MRE11: variants seen among roughly 807,000 people sequenced by gnomAD.
MRE11 encodes the protein double-strand break repair protein MRE11.
MRE11 carries 62 observed loss-of-function variants against 91.7 expected under a neutral mutation model. That is an observed-to-expected ratio of 0.68 (90% CI 0.55 to 0.84). The LOEUF (loss-of-function observed/expected upper bound fraction) is 0.84, where lower values mean the gene tolerates loss of function less well. Among genes scored for constraint, MRE11 ranks in the 40% least tolerant of loss-of-function variants. MRE11 has a pLI of 0.00. For synonymous variants in MRE11, 273 were observed against 271.4 expected (o/e 1.01, Z -0.06); for missense variants, 796 against 852.9 (o/e 0.93, Z 0.83).
chr11:94,494,675 C>T (rs1488754410), upstream of MRE11, among the ~76,000 whole-genome samples: 2 of 152,082 alleles, frequency 1.3e-5, no homozygotes, highest in South Asian at 2.1e-4. Context: ...CGGGTAGATG[C>T]GCCTAGGCTT....
intron 16 of MRE11, among the ~76,000 whole-genome samples, chr11:94,437,740 T>C (rs1221948084): frequency 1.3e-5 from 2 of 152,250 alleles, no homozygotes; most frequent in African/African-American, 2.4e-5. Context: ...AAAATTCCTT[T>C]GTATCCATAC....
At chr11:94,438,265 G>A (rs1030220761) in intron 16 of MRE11, among the ~76,000 whole-genome samples, 1 of 151,948 alleles carries the variant, frequency 6.6e-6, no homozygotes, top group African/African-American at 2.4e-5. Flanking sequence ...AACTAAATAG[G>A]GCACAGAAAA....
intron 7 of MRE11, among the ~76,000 whole-genome samples, chr11:94,474,278 G>A (rs1035243490): frequency 6.6e-6 from 1 of 152,004 alleles, no homozygotes; most frequent in African/African-American, 2.4e-5. Context: ...ACCATCTTGA[G>A]GTGCCAAAAA....
chr11:94,448,787 C>T (rs868635988), intron 14 of MRE11, among the ~76,000 whole-genome samples: 3 of 152,116 alleles, frequency 2.0e-5, no homozygotes, highest in Non-Finnish European at 2.9e-5. Context: ...GAGCGAGACC[C>T]TGTCACCAAA....
chr11:94,463,412 C>G (rs563179988), intron 11 of MRE11, among the ~76,000 whole-genome samples: 8 of 152,218 alleles, frequency 5.3e-5, no homozygotes, highest in Admixed American at 4.6e-4. Flanking sequence ...ACCATTTGAC[C>G]CAGCCATCCC....
rs1945648664 is a variant in MRE11, at chr11:94,437,341, G to A, written c.1868-106C>T. 23 of 920,600 alleles carry A rather than the reference G, an allele frequency of 2.5e-5. No individual in the cohort carries two copies. In the East Asian group the frequency reaches 5.9e-4, roughly 24 times the overall value. 57.0% of individuals were successfully genotyped at this position (920,600 alleles called of 1,614,324 possible). On this transcript the variant is annotated intron_variant, in intron 16 of 19. Transcript: ENST00000323929. Reference sequence around the variant, plus strand: ...TTTTCTGAGTCCTATCTGCAAAACTGAATGATGCCTAATTATAAAACTATT... The same window carrying A: ...TTTTCTGAGTCCTATCTGCAAAACTAAATGATGCCTAATTATAAAACTATT...
At chr11:94,481,673 T>C (rs557148) in intron 4 of MRE11, among the ~76,000 whole-genome samples, 77,451 of 152,066 alleles carry the variant, frequency 0.51, 20,771 homozygotes, top group African/African-American at 0.68. Context: ...CATTGTGAGA[T>C]GGTGACCTTC....
chr11:94,453,265 T>C (rs763933262), intron 14 of MRE11, among the ~76,000 whole-genome samples: 2 of 152,236 alleles, frequency 1.3e-5, no homozygotes, highest in Non-Finnish European at 2.9e-5. Flanking sequence ...TTTTCGGCTA[T>C]TGTGAATCAT....
chr11:94,509,783 T>A, the MRE11 span, among the ~76,000 whole-genome samples: 38 of 152,206 alleles, frequency 2.5e-4, no homozygotes, highest in African/African-American at 8.9e-4. Context: ...AATAACAGTT[T>A]AATTTCTTCC....
chr11:94,471,795 T>C (rs959031755), intron 7 of MRE11, 36 bp from the exon 8 acceptor site: 6 of 1,517,432 alleles, frequency 4.0e-6, no homozygotes, highest in Admixed American at 3.6e-5. Flanking sequence ...AATTCGGTGA[T>C]TAGAAAAATT....
chr11:94,464,784 C>G (rs577808583), intron 10 of MRE11, among the ~76,000 whole-genome samples: 186 of 152,270 alleles, frequency 1.2e-3, no homozygotes, highest in African/African-American at 4.2e-3. Context: ...TCAAGGTAGA[C>G]TCTTTCTACA....
chr11:94,431,313 C>T (rs1395578068), intron 18 of MRE11, among the ~76,000 whole-genome samples: 1 of 152,164 alleles, frequency 6.6e-6, no homozygotes, highest in East Asian at 1.9e-4. Flanking sequence ...TCAAGGTCCA[C>T]TCTGGTAAGT....
At chr11:94,506,515 A>G in the MRE11 span, among the ~76,000 whole-genome samples, 42 of 152,184 alleles carry the variant, frequency 2.8e-4, no homozygotes, top group East Asian at 7.7e-3. Flanking sequence ...AAGTCAATAT[A>G]GTTATTAAAA....
chr11:94,496,819 A>T (rs1402360160), upstream of MRE11: 10 of 1,613,944 alleles, frequency 6.2e-6, no homozygotes, highest in Non-Finnish European at 6.8e-6. Flanking sequence ...CTGGTACTCA[A>T]AGTCTTTGGG....
At chr11:94,474,915 G>C (rs1175377935) in intron 7 of MRE11, among the ~76,000 whole-genome samples, 3 of 152,166 alleles carry the variant, frequency 2.0e-5, no homozygotes, top group African/African-American at 7.2e-5. Context: ...CTCTATGGAA[G>C]AGAAGGAACA....
the MRE11 span, among the ~76,000 whole-genome samples, chr11:94,509,315 T>C: frequency 6.6e-6 from 1 of 152,354 alleles, no homozygotes; most frequent in East Asian, 1.9e-4. Context: ...AATGTTATTG[T>C]CTTTTACATT....
intron 7 of MRE11, among the ~76,000 whole-genome samples, chr11:94,475,015 C>T (rs1031842916): frequency 4.9e-4 from 75 of 152,094 alleles, no homozygotes; most frequent in African/African-American, 1.8e-3. Flanking sequence ...TATTCAAGAA[C>T]TCACACATAA....
chr11:94,437,279 T>C (rs1945646095), intron 16 of MRE11, 44 bp from the exon 17 acceptor site: 1 of 1,588,774 alleles, frequency 6.3e-7, no homozygotes, highest in African/African-American at 1.4e-5. Context: ...ATTCTTAAAA[T>C]AACTTAGAAA....
chr11:94,511,786 C>T, the MRE11 span, among the ~76,000 whole-genome samples: 3 of 152,174 alleles, frequency 2.0e-5, no homozygotes, highest in African/African-American at 7.2e-5. Flanking sequence ...ATTTTTAAGG[C>T]CTGCAAAACC....
Sources: allele counts gnomAD v4.1 joint callset (sites outside exome capture counted in the v4.1 genomes callset), GRCh38; gene constraint gnomAD v4.1.1; transcripts MANE v1.5; gene names NCBI Gene and HGNC (gene_info 2026-07-23, HGNC 2026-07-21).